Variants in NTRK1 observed in about 807,000 individuals in gnomAD.
NTRK1 encodes neurotrophic receptor tyrosine kinase 1, also known as high affinity nerve growth factor receptor.
NTRK1 carries 62 observed loss-of-function variants against 86.8 expected under a neutral mutation model. That is an observed-to-expected ratio of 0.71 (90% CI 0.58 to 0.88). The LOEUF is 0.88. Ranked by LOEUF, NTRK1 falls within the 40% of genes least tolerant of loss-of-function variation. NTRK1 has a pLI of 0.00. For synonymous variants in NTRK1, 469 were observed against 456.6 expected (o/e 1.03, Z -0.35); for missense variants, 967 against 1,078.4 (o/e 0.90, Z 1.45).
At chr1:156,833,763 G>A (rs1654525829) in intron 1 of NTRK1, among the ~76,000 whole-genome samples, 1 of 152,162 alleles carries the variant, frequency 6.6e-6, no homozygotes, top group Admixed American at 6.5e-5. Context: ...TGCCCGTTCT[G>A]TTAGGTTCTG....
intron 2 of NTRK1, chr1:156,851,797 A>C: frequency 6.2e-7 from 1 of 1,605,328 alleles, no homozygotes; most frequent in Non-Finnish European, 8.5e-7. Flanking sequence ...TGCTAGCAGG[A>C]GCAAGCAGAT....
At chr1:156,832,504 A>G (rs1654490704) in intron 1 of NTRK1, among the ~76,000 whole-genome samples, 1 of 152,176 alleles carries the variant, frequency 6.6e-6, no homozygotes. Context: ...GAGCTGATTT[A>G]AAGGGGAGTA....
In NTRK1 at chr1:156,879,926, G is replaced by T. The variant is rs1648154129; in HGVS notation, c.2047-73G>T. The T allele has an allele frequency of 2.5e-6, 4 of 1,577,506 alleles. No individual in the cohort carries two copies. The South Asian group carries it at 3.3e-5, about 13-fold the overall frequency. ...CTTGTGTATTTATTTTTAATGATGG[G>T]GCTGGGGTAGGCTGTGCCTTGACGG... On this transcript the variant is annotated intron_variant, in intron 15 of 16. Transcript: ENST00000524377.
intron 2 of NTRK1, chr1:156,849,513 G>GGGA: frequency 2.1e-6 from 1 of 486,120 alleles, no homozygotes; most frequent in Admixed American, 2.2e-5. Context: ...CAGGGGGTGG[G>GGGA]AAAGGGGATG....
intron 15 of NTRK1, 49 bp from the exon 16 acceptor site, chr1:156,879,950 G>A (rs375530061): frequency 2.4e-5 from 39 of 1,607,190 alleles, no homozygotes; most frequent in South Asian, 5.5e-5. Flanking sequence ...GTGCCTTGAC[G>A]GGCTGTCCCA....
In NTRK1 at chr1:156,848,338, C is replaced by T. The variant is rs563821940; in HGVS notation, c.50+6145C>T. Among the ~76,000 whole-genome samples, 32 of 152,330 alleles carry T rather than the reference C, an allele frequency of 2.1e-4. 1 individual carries two copies. In the South Asian group the frequency reaches 6.4e-3, roughly 31 times the overall value. On this transcript the variant is annotated intron_variant, in intron 2 of 16. Coordinates refer to the NTRK1 transcript ENST00000392302. Reference sequence around the variant, plus strand: ...GAGAGCATGAACTCCTTACTCCTGCCTTCCCAGCCTGCATCTGAAATCCAC... The same window carrying T: ...GAGAGCATGAACTCCTTACTCCTGCTTTCCCAGCCTGCATCTGAAATCCAC...
At chr1:156,827,595 C>T (rs72698641) in intron 1 of NTRK1, among the ~76,000 whole-genome samples, 7,439 of 152,180 alleles carry the variant, frequency 0.049, 250 homozygotes, top group African/African-American at 0.088. Context: ...ATGAGTCTCC[C>T]TATGTTTCCC....
At chr1:156,820,972 T>A (rs944944686) in intron 1 of NTRK1, among the ~76,000 whole-genome samples, 4 of 152,212 alleles carry the variant, frequency 2.6e-5, no homozygotes, top group African/African-American at 9.6e-5. Flanking sequence ...AGCAGTGTTT[T>A]CTTTGTAGAG....
At chr1:156,862,733 C>T (rs894023635) in intron 1 of NTRK1, among the ~76,000 whole-genome samples, 2 of 152,180 alleles carry the variant, frequency 1.3e-5, no homozygotes, top group African/African-American at 4.8e-5. Context: ...GCTGGCCTGA[C>T]AGCTCCCACA....
chr1:156,844,388 G>A, intron 2 of NTRK1: 2 of 1,568,246 alleles, frequency 1.3e-6, no homozygotes, highest in South Asian at 2.3e-5. Context: ...GGATGCGGGG[G>A]AGGGGCCTGT....
intron 2 of NTRK1, chr1:156,844,260 G>GC: frequency 1.2e-6 from 2 of 1,613,546 alleles, no homozygotes; most frequent in Non-Finnish European, 1.7e-6. Context: ...AGGACATGCA[G>GC]CCCCCCAGCA....
intron 2 of NTRK1, chr1:156,845,785 G>T: frequency 6.2e-7 from 1 of 1,613,002 alleles, no homozygotes; most frequent in East Asian, 2.2e-5. Context: ...TCGAAGCGCG[G>T]ATCGTTGTTG....
chr1:156,846,530 G>A (rs750122799), intron 2 of NTRK1: 28 of 1,613,454 alleles, frequency 1.7e-5, no homozygotes, highest in East Asian at 2.2e-5. Flanking sequence ...TGCAGGCAGC[G>A]TTCGGAGGTA....
In NTRK1 at chr1:156,866,903, C is replaced by T; in HGVS notation, c.360-7C>T. ...GGGTCTGTCTTGCTGTGTCTCCACG[C>T]CCGCAGGAATCTCTCCTTCAACGCT... On this transcript the variant is annotated splice_polypyrimidine_tract_variant and splice_region_variant and intron_variant, in intron 3 of 16. Coordinates refer to ENST00000524377, the MANE Select transcript of NTRK1 (RefSeq NM_002529.4). 1 of 1,614,166 alleles carries T rather than the reference C, an allele frequency of 6.2e-7. No individual in the cohort carries two copies. The highest frequency in any genetic ancestry group is 8.5e-7 in the Non-Finnish European group (1 of 1,179,980).
Position 156,867,671 on chromosome 1 carries a change from C to CTT in NTRK1, c.429-421_429-420dup, listed in dbSNP as rs71644586. Among the ~76,000 whole-genome samples, 259 of 141,074 alleles carry CTT rather than the reference C, an allele frequency of 1.8e-3. 2 individuals carry two copies. Among genetic ancestry groups the CTT allele is most frequent in the African/African-American group, 5.6e-3 (213 of 38,232 alleles). 92.6% of individuals were successfully genotyped at this position (141,074 alleles called of 152,430 possible). A position where few individuals can be genotyped will look rare whatever the true frequency, so the allele number is the denominator to read the frequency against. On this transcript the variant is annotated intron_variant, in intron 4 of 16. Coordinates refer to ENST00000524377, the MANE Select transcript of NTRK1 (RefSeq NM_002529.4). ...TTCTTTCTTTCTTTTCTTTTCTTTT[C>CTT]TTTTTTTTTTTTTATGAGACGGAGT...
intron 10 of NTRK1, 91 bp from the exon 11 acceptor site, chr1:156,874,815 C>A (rs1461929920): frequency 8.3e-7 from 1 of 1,210,448 alleles, no homozygotes; most frequent in South Asian, 1.2e-5. Flanking sequence ...TGGCTCCGGG[C>A]TCCCATGCAG....
intron 6 of NTRK1, among the ~76,000 whole-genome samples, chr1:156,869,227 G>A (rs995331321): frequency 3.9e-5 from 6 of 151,944 alleles, no homozygotes; most frequent in Admixed American, 2.0e-4. Context: ...GTACAGGCAC[G>A]CGCCACCATG....
chr1:156,873,988 C>G (rs1033275502), intron 8 of NTRK1, 29 bp downstream of exon 8: 2 of 1,544,688 alleles, frequency 1.3e-6, no homozygotes, highest in Non-Finnish European at 1.8e-6. Flanking sequence ...ACCCTGCCCC[C>G]ACTCCTGGGC....
In NTRK1 at chr1:156,867,025, C is replaced by T. The variant is rs113893939; in HGVS notation, c.428+47C>T. ...GGCAAGAGCACCAAGTGTGTGTGTG[C>T]CTGTGTGCACTTGGGTCTGTTGGAT... On this transcript the variant is annotated intron_variant, in intron 4 of 16. Transcript: ENST00000524377. The T allele has an allele frequency of 7.0e-3, 11,058 of 1,574,956 alleles. 333 individuals are homozygous for T. In the African/African-American group the frequency reaches 0.092, roughly 13 times the overall value.
Sources: allele counts gnomAD v4.1 joint callset (sites outside exome capture counted in the v4.1 genomes callset), GRCh38; gene constraint gnomAD v4.1.1; transcripts MANE v1.5; gene names NCBI Gene and HGNC (gene_info 2026-07-23, HGNC 2026-07-21).